Variants in UBE2W observed in about 807,000 individuals in gnomAD.
UBE2W encodes the protein ubiquitin-conjugating enzyme E2 W.
UBE2W carries 18 observed loss-of-function variants against 27.2 expected under a neutral mutation model. The ratio of observed to expected loss-of-function variants is 0.66; its 90% CI spans 0.46 to 0.98. The LOEUF (loss-of-function observed/expected upper bound fraction) is 0.98, where lower values mean the gene tolerates loss of function less well. Ranked by LOEUF, UBE2W falls within the 50% of genes least tolerant of loss-of-function variation. The pLI is 0.00. For missense variants in UBE2W, 90 were observed against 180.2 expected, an observed-to-expected ratio of 0.50 and a Z score of 2.87; for synonymous variants, 53 against 57.2, an observed-to-expected ratio of 0.93 and a Z score of 0.33.
At chr8:73,878,723 C>A (rs1321824463) in intron 1 of UBE2W, 85 bp downstream of exon 1, 3 of 1,263,504 alleles carry the variant, frequency 2.4e-6, no homozygotes, top group East Asian at 5.1e-5. Context: ...CGGGTGTCCC[C>A]GAATCGCGGA....
Position 73,792,774 on chromosome 8 carries a change from A to G in UBE2W, c.*1328T>C. 2.0e-6 allele frequency: 2 copies of G among 985,656 alleles called. No homozygotes were observed. The highest frequency in any genetic ancestry group is 2.4e-6 in the Non-Finnish European group (2 of 829,794). 61.1% of individuals were successfully genotyped at this position (985,656 alleles called of 1,614,324 possible). A position where few individuals can be genotyped will look rare whatever the true frequency, so the allele number is the denominator to read the frequency against. On this transcript the variant is annotated 3_prime_UTR_variant, in exon 6 of 6. Coordinates refer to ENST00000602593, the MANE Select transcript of UBE2W (RefSeq NM_018299.6). ...ATCATTAACTCACATGGTACTGAGAACTGGACCTTTCAACAATTTTTTTTT... is the reference window on the plus strand; with the variant it reads ...ATCATTAACTCACATGGTACTGAGAGCTGGACCTTTCAACAATTTTTTTTT...
At chr8:73,837,450 T>C (rs1810356186) in intron 1 of UBE2W, among the ~76,000 whole-genome samples, 1 of 151,904 alleles carries the variant, frequency 6.6e-6, no homozygotes, top group Non-Finnish European at 1.5e-5. Flanking sequence ...AAGGCGGAGG[T>C]TCCAGTGAGC....
intron 2 of UBE2W, among the ~76,000 whole-genome samples, chr8:73,827,240 T>G (rs1223945580): frequency 1.3e-5 from 2 of 151,766 alleles, no homozygotes; most frequent in Non-Finnish European, 2.9e-5. Flanking sequence ...TGGTACAGAG[T>G]TTTGCTCTTG....
chr8:73,842,901 A>G (rs1810605193), intron 1 of UBE2W, among the ~76,000 whole-genome samples: 1 of 152,232 alleles, frequency 6.6e-6, no homozygotes, highest in East Asian at 1.9e-4. Flanking sequence ...TCATAGCAGC[A>G]TTATTCATAA....
intron 1 of UBE2W, among the ~76,000 whole-genome samples, chr8:73,850,726 A>T (rs7007751): frequency 0.045 from 849 of 19,042 alleles, 6 homozygotes; most frequent in Middle Eastern, 0.11. Flanking sequence ...GCAGGACATT[A>T]AAAAAAAAAA....
At chr8:73,835,628 C>T (rs1047773845) in intron 1 of UBE2W, among the ~76,000 whole-genome samples, 4 of 152,110 alleles carry the variant, frequency 2.6e-5, no homozygotes, top group Non-Finnish European at 5.9e-5. Flanking sequence ...TCTGTAATCT[C>T]GGCTACTCGG....
chr8:73,817,855 T>C (rs1042987349), intron 3 of UBE2W, among the ~76,000 whole-genome samples: 2 of 152,150 alleles, frequency 1.3e-5, no homozygotes, highest in Non-Finnish European at 1.5e-5. Flanking sequence ...TCCCTCCTAA[T>C]ACCTATGATA....
chr8:73,832,820 C>T (rs79343903), intron 1 of UBE2W, among the ~76,000 whole-genome samples: 8,680 of 152,224 alleles, frequency 0.057, 817 homozygotes, highest in African/African-American at 0.19. Flanking sequence ...GCTCAACCTG[C>T]GTAAGGTCTT....
At chr8:73,850,723 A>AT (rs201829108) in intron 1 of UBE2W, among the ~76,000 whole-genome samples, 4,438 of 115,284 alleles carry the variant, frequency 0.038, 397 homozygotes, top group African/African-American at 0.14. Flanking sequence ...TCAGCAGGAC[A>AT]TTAAAAAAAA....
At chr8:73,828,302 G>T (rs1809934731) in intron 2 of UBE2W, among the ~76,000 whole-genome samples, 1 of 152,160 alleles carries the variant, frequency 6.6e-6, no homozygotes, top group South Asian at 2.1e-4. Context: ...TTTATTAAAA[G>T]AGGATACATA....
In UBE2W at chr8:73,788,991, A is replaced by C; in HGVS notation, c.*5111T>G. The C allele has an allele frequency of 1.0e-6, 1 of 982,840 alleles. No individual in the cohort carries two copies. The highest frequency in any genetic ancestry group is 1.2e-6 in the Non-Finnish European group (1 of 827,808). 60.9% of individuals were successfully genotyped at this position (982,840 alleles called of 1,614,324 possible). A position where few individuals can be genotyped will look rare whatever the true frequency, so the allele number is the denominator to read the frequency against. On this transcript the variant is annotated 3_prime_UTR_variant, in exon 6 of 6. Coordinates refer to ENST00000602593, the MANE Select transcript of UBE2W (RefSeq NM_018299.6). ...TTTTTCATAAAAAAATAGTCATTTAATCATTCTAGAGACTCATCACAAAAT... is the reference window on the plus strand; with the variant it reads ...TTTTTCATAAAAAAATAGTCATTTACTCATTCTAGAGACTCATCACAAAAT...
intron 1 of UBE2W, among the ~76,000 whole-genome samples, chr8:73,861,560 G>A (rs904880969): frequency 1.1e-4 from 17 of 152,042 alleles, no homozygotes; most frequent in African/African-American, 4.1e-4. Flanking sequence ...CTCCCACCTT[G>A]GCCTCCCAAA....
intron 4 of UBE2W, among the ~76,000 whole-genome samples, chr8:73,806,605 A>C (rs1006517832): frequency 1.3e-5 from 2 of 149,798 alleles, no homozygotes; most frequent in Admixed American, 6.6e-5. Flanking sequence ...CAGCTAACTC[A>C]GGAGGCTGAG....
At chr8:73,829,226 G>A (rs562076518) in intron 2 of UBE2W, among the ~76,000 whole-genome samples, 2 of 152,146 alleles carry the variant, frequency 1.3e-5, no homozygotes, top group African/African-American at 4.8e-5. Flanking sequence ...ATTGTGTTGT[G>A]TGGTTTCCCC....
rs1281500814 is a variant in UBE2W, at chr8:73,787,129, T to C, written c.*6973A>G. The C allele has an allele frequency of 1.0e-6, 1 of 985,342 alleles. No individual in the cohort carries two copies. Among genetic ancestry groups the C allele is most frequent in the African/African-American group, 1.7e-5 (1 of 57,248 alleles). The allele number at this position is 985,342 out of a possible 1,614,324, so 61.0% of individuals were successfully genotyped here. ...ATTCCCACTTATGTATTTTGCATTA[T>C]GCAGGCAAACATTAAAAATAAATCT... On this transcript the variant is annotated 3_prime_UTR_variant, in exon 6 of 6. Transcript: ENST00000602593.
At chr8:73,828,109 G>A (rs1809926586) in intron 2 of UBE2W, among the ~76,000 whole-genome samples, 1 of 152,048 alleles carries the variant, frequency 6.6e-6, no homozygotes, top group Admixed American at 6.6e-5. Context: ...GAGTAAGGAT[G>A]CAATGAGACT....
rs1808026619 is a variant in UBE2W, at chr8:73,787,916, C to T, written c.*6186G>A. The T allele has an allele frequency of 1.4e-5, 14 of 985,376 alleles. No homozygotes were observed. The highest frequency in any genetic ancestry group is 1.7e-5 in the Non-Finnish European group (14 of 829,908). 61.0% of individuals were successfully genotyped at this position (985,376 alleles called of 1,614,324 possible). A position where few individuals can be genotyped will look rare whatever the true frequency, so the allele number is the denominator to read the frequency against. The stretch of plus-strand genomic sequence containing the variant: ...CTTATTAAAACACTAAAACTAGCTA[C>T]ATATTACATAAAGGTGATGTGTTAA... On this transcript the variant is annotated 3_prime_UTR_variant, in exon 6 of 6. Transcript: ENST00000602593.
chr8:73,849,341 G>A (rs528627844), intron 1 of UBE2W, among the ~76,000 whole-genome samples: 11 of 151,628 alleles, frequency 7.3e-5, no homozygotes, highest in South Asian at 4.2e-4. Context: ...GTAAAACCCC[G>A]TCTCTACTAA....
intron 1 of UBE2W, among the ~76,000 whole-genome samples, chr8:73,853,389 C>A (rs997796510): frequency 1.3e-5 from 2 of 152,130 alleles, no homozygotes; most frequent in African/African-American, 4.8e-5. Flanking sequence ...CTCAGCCTCC[C>A]GAGCAACTGG....
Sources: gnomAD v4.1 joint callset for allele counts (sites outside exome capture counted in the v4.1 genomes callset) on GRCh38, gnomAD v4.1.1 for gene constraint, MANE v1.5 for transcripts, NCBI Gene and HGNC (gene_info 2026-07-23, HGNC 2026-07-21) for gene names.